NFXL1: variants seen among roughly 807,000 people sequenced by gnomAD.
NFXL1 encodes the protein NF-X1-type zinc finger protein NFXL1.
NFXL1 carries 66 observed loss-of-function variants against 123.3 expected under a neutral mutation model. The ratio of observed to expected loss-of-function variants is 0.54; its 90% CI spans 0.44 to 0.66. NFXL1 has a LOEUF of 0.66. Ranked by LOEUF, NFXL1 falls within the 30% of genes least tolerant of loss-of-function variation. The pLI is 0.00. For synonymous variants in NFXL1, 346 were observed against 360.8 expected (o/e 0.96, Z 0.46); for missense variants, 944 against 1,125.6 (o/e 0.84, Z 2.31).
chr4:47,900,200 A>G (rs949959478), intron 5 of NFXL1, among the ~76,000 whole-genome samples: 2 of 152,020 alleles, frequency 1.3e-5, no homozygotes, highest in African/African-American at 2.4e-5. Flanking sequence ...GCACAAAAAG[A>G]CATATAATTC....
chr4:47,852,450 C>T (rs1734173967), intron 20 of NFXL1, among the ~76,000 whole-genome samples: 2 of 152,146 alleles, frequency 1.3e-5, no homozygotes, highest in Non-Finnish European at 2.9e-5. Flanking sequence ...TAATTCATTA[C>T]AATTTGCATT....
chr4:47,877,542 A>AAG (rs969946560), intron 17 of NFXL1, among the ~76,000 whole-genome samples: 125 of 152,202 alleles, frequency 8.2e-4, no homozygotes, highest in African/African-American at 2.9e-3. Context: ...CTACACCCTA[A>AAG]CTAGTTAAAA....
chr4:47,896,619 T>G lies in NFXL1; in HGVS notation c.1233A>C (p.Val411=), dbSNP rs1455934365. 6.2e-7 allele frequency: 1 copy of G among 1,609,886 alleles called. No individual in the cohort carries two copies. The highest frequency in any genetic ancestry group is 8.5e-7 in the Non-Finnish European group (1 of 1,176,382). ...TGTCACAACTGTCTCCACAAGTTGG[T>G]ACATCTTCTGTACAAGGCAAAGAAA... ...SKFSLPCTED[V]PTCGDSCDKV... is the part of the protein sequence containing the mutation. Residue 411 remains valine (V), a synonymous_variant, in exon 10 of 23, where the codon GTA becomes GTC. Coordinates refer to ENST00000507489, the MANE Select transcript of NFXL1 (RefSeq NM_001278624.2).
Position 47,885,999 on chromosome 4 carries a change from C to T in NFXL1, c.1544G>A (p.Gly515Asp), listed in dbSNP as rs145684190. Residue 515 changes from glycine to aspartate, a missense_variant and splice_region_variant, in exon 13 of 23, where the codon GGC becomes GAC. Transcript: ENST00000507489. ...NHKCPSVCHR[G>D]SCYPCPETVD... ...GGTTTCTGGGCAGGGATAGCAACTG[C>T]CTGAAAAAAAAGTCTGACAATTAAA... 1.9e-6 allele frequency: 3 copies of T among 1,603,558 alleles called. No individual in the cohort carries two copies. In the South Asian group the frequency reaches 3.4e-5, roughly 18 times the overall value.
chr4:47,914,492 T>C lies in NFXL1; in HGVS notation c.-130A>G. 1 of 359,128 alleles carries C rather than the reference T, an allele frequency of 2.8e-6. No homozygotes were observed. 22.2% of individuals were successfully genotyped at this position (359,128 alleles called of 1,614,324 possible). ...CGAAGACAGAAAGCCGGAGGAGAAGTCGAAACCGCCTCCTCAGCCTCTGCG... is the reference window on the plus strand; with the variant it reads ...CGAAGACAGAAAGCCGGAGGAGAAGCCGAAACCGCCTCCTCAGCCTCTGCG... On this transcript the variant is annotated 5_prime_UTR_variant, in exon 1 of 23. Transcript: ENST00000507489.
chr4:47,912,829 TAA>T (rs568288143), intron 2 of NFXL1, among the ~76,000 whole-genome samples: 1 of 126,930 alleles, frequency 7.9e-6, no homozygotes. Flanking sequence ...CCGTCTCTAC[TAA>T]AAAAAAAAAA....
chr4:47,879,298 G>A (rs1159519412), intron 15 of NFXL1, among the ~76,000 whole-genome samples, 181 bp from the exon 16 acceptor site: 1 of 151,948 alleles, frequency 6.6e-6, no homozygotes, highest in Non-Finnish European at 1.5e-5. Context: ...GTAGCAATGA[G>A]CAATTAGAAT....
At chr4:47,904,118 C>T (rs1311940959) in intron 4 of NFXL1, among the ~76,000 whole-genome samples, 1 of 152,110 alleles carries the variant, frequency 6.6e-6, no homozygotes, top group African/African-American at 2.4e-5. Context: ...AGTAAGGGGA[C>T]TAGACAGGGA....
intron 15 of NFXL1, among the ~76,000 whole-genome samples, chr4:47,880,426 C>CAAAAAAAAAAAAAAAAAAA (rs752132328): frequency 2.7e-5 from 1 of 36,642 alleles, no homozygotes; most frequent in Non-Finnish European, 6.2e-5. Flanking sequence ...GATCCAGTCT[C>CAAAAAAAAAAAAAAAAAAA]AAAAAAAAAA....
intron 3 of NFXL1, among the ~76,000 whole-genome samples, chr4:47,906,697 C>CA (rs1234882327): frequency 4.6e-5 from 7 of 152,014 alleles, no homozygotes; most frequent in Non-Finnish European, 1.0e-4. Flanking sequence ...ACAGCTAACT[C>CA]AAAAAACAGA....
At chr4:47,893,615 A>T (rs1398544139) in intron 11 of NFXL1, among the ~76,000 whole-genome samples, 1 of 152,112 alleles carries the variant, frequency 6.6e-6, no homozygotes, top group Non-Finnish European at 1.5e-5. Context: ...TTTCACAAAG[A>T]CTAAAGCAAG....
intron 20 of NFXL1, among the ~76,000 whole-genome samples, chr4:47,853,512 G>C (rs1247215012): frequency 6.6e-6 from 1 of 151,936 alleles, no homozygotes; most frequent in East Asian, 1.9e-4. Context: ...AAAGTCAAGA[G>C]GAAGGAACAG....
chr4:47,890,353 CTTTTA>C (rs2110086701), intron 12 of NFXL1, among the ~76,000 whole-genome samples: 1 of 152,194 alleles, frequency 6.6e-6, no homozygotes, highest in East Asian at 1.9e-4. Context: ...AAGGACAATA[CTTTTA>C]TATACAGAAA....
At chr4:47,911,190 TTTTC>T (rs1379744554) in intron 2 of NFXL1, among the ~76,000 whole-genome samples, 196 bp from the exon 3 acceptor site, 60 of 152,292 alleles carry the variant, frequency 3.9e-4, no homozygotes, top group African/African-American at 1.4e-3. Context: ...AAACTTTCAC[TTTTC>T]TAAGTATCCT....
At chr4:47,902,529 T>C (rs114260674) in intron 5 of NFXL1, among the ~76,000 whole-genome samples, 90 of 152,282 alleles carry the variant, frequency 5.9e-4, no homozygotes, top group African/African-American at 2.1e-3. Context: ...CAAAATACAT[T>C]AAATGATAGT....
chr4:47,900,921 T>C (rs1438772105), intron 5 of NFXL1, among the ~76,000 whole-genome samples: 2 of 152,184 alleles, frequency 1.3e-5, no homozygotes, highest in Non-Finnish European at 2.9e-5. Flanking sequence ...TAACTGGCGC[T>C]TTGTTGGAAG....
chr4:47,862,106 A>C (rs1734802350), intron 19 of NFXL1, among the ~76,000 whole-genome samples: 1 of 152,210 alleles, frequency 6.6e-6, no homozygotes, highest in South Asian at 2.1e-4. Context: ...CTTCCCTTTC[A>C]GATTGGCCAA....
intron 19 of NFXL1, among the ~76,000 whole-genome samples, chr4:47,858,829 G>GAA (rs1389035350): frequency 6.6e-6 from 1 of 151,924 alleles, no homozygotes; most frequent in Non-Finnish European, 1.5e-5. Flanking sequence ...AGTTAACATG[G>GAA]TATTCACTTT....
At chr4:47,867,803 GA>G (rs1735189799) in intron 18 of NFXL1, among the ~76,000 whole-genome samples, 1 of 152,056 alleles carries the variant, frequency 6.6e-6, no homozygotes, top group African/African-American at 2.4e-5. Flanking sequence ...GAAACTCTAG[GA>G]AAGAACGCAT....
Sources: gnomAD v4.1 joint callset for allele counts (sites outside exome capture counted in the v4.1 genomes callset) on GRCh38, gnomAD v4.1.1 for gene constraint, MANE v1.5 for transcripts, NCBI Gene and HGNC (gene_info 2026-07-23, HGNC 2026-07-21) for gene names.